The following P3H2 variants were observed in gnomAD, a reference collection of about 807,000 sequenced individuals.
P3H2 encodes the protein prolyl 3-hydroxylase 2.
In P3H2, 80 loss-of-function variants were observed where a neutral mutation model predicts 87.0. That is an observed-to-expected ratio of 0.92 (90% confidence interval 0.77 to 1.11). The LOEUF (loss-of-function observed/expected upper bound fraction) is 1.11. P3H2 is among the 50% of genes least tolerant of loss of function. The pLI, the probability that P3H2 is intolerant of heterozygous loss-of-function variation, is 0.00. For synonymous variants in P3H2, 367 were observed against 359.3 expected, an observed-to-expected ratio of 1.02 and a Z score of -0.24; for missense variants, 1,001 against 923.9, an observed-to-expected ratio of 1.08 and a Z score of -1.08.
rs1252694616 is a variant in P3H2 at position 189,957,521 on chromosome 3, A to G, written c.*391T>C. 1.3e-5 allele frequency: 5 copies of G among 392,104 alleles called. No individual in the cohort carries two copies. The highest frequency in any genetic ancestry group is 2.0e-5 in the African/African-American group (1 of 48,822). 24.3% of individuals were successfully genotyped at this position (392,104 alleles called of 1,614,324 possible). ...AACTGGGCTTTGATAGATACATGAAATGATGAAAAACCAAGAAAGAGAGCT... is the reference window on the plus strand; with the variant it reads ...AACTGGGCTTTGATAGATACATGAAGTGATGAAAAACCAAGAAAGAGAGCT... On this transcript the variant is annotated 3_prime_UTR_variant, in exon 15 of 15. Transcript: ENST00000319332.
In P3H2 at chr3:190,055,487, G is replaced by GA. The variant is rs910209383; in HGVS notation, c.481-60046dup. ...AATCTTTAGATATTAAACAAAATGT[G>GA]AAAAAAAAAATTGGGAATGAAACTC... On this transcript the variant is annotated intron_variant, in intron 1 of 14. Transcript: ENST00000319332. Among the ~76,000 whole-genome samples, 47 of 142,946 alleles carry GA rather than the reference G, an allele frequency of 3.3e-4. 1 individual carries two copies. The highest frequency in any genetic ancestry group is 9.2e-4 in the African/African-American group (36 of 39,168). 93.8% of individuals were successfully genotyped at this position (142,946 alleles called of 152,430 possible).
At chr3:189,983,204 A>C (rs1560347781) in intron 7 of P3H2, 64 bp from the exon 8 acceptor site, 7 of 1,205,894 alleles carry the variant, frequency 5.8e-6, no homozygotes, top group Non-Finnish European at 6.2e-6. Context: ...AAGGCAAAGA[A>C]TACTTTACCA....
At chr3:189,964,176 A>G (rs1168573659) in intron 13 of P3H2, 78 bp from the exon 14 acceptor site, 2 of 1,346,066 alleles carry the variant, frequency 1.5e-6, no homozygotes, top group Non-Finnish European at 2.1e-6. Context: ...TCTGGCTATG[A>G]GATTATTTGA....
chr3:190,118,662 T>C (rs1447969408), intron 1 of P3H2, among the ~76,000 whole-genome samples: 2 of 152,024 alleles, frequency 1.3e-5, no homozygotes, highest in Non-Finnish European at 2.9e-5. Context: ...TTAAGATTTA[T>C]ACTTAGTTGA....
chr3:190,103,122 T>G (rs1468215225), intron 1 of P3H2, among the ~76,000 whole-genome samples: 1 of 152,218 alleles, frequency 6.6e-6, no homozygotes, highest in Non-Finnish European at 1.5e-5. Context: ...AAAATAAAAA[T>G]TGTGAGGCTT....
intron 1 of P3H2, among the ~76,000 whole-genome samples, chr3:190,080,387 C>T (rs995114412): frequency 6.6e-6 from 1 of 151,852 alleles, no homozygotes; most frequent in Admixed American, 6.6e-5. Context: ...AATTTGAGTG[C>T]TTTTTTCTTT....
At chr3:189,997,850 T>C (rs2108926300) in intron 1 of P3H2, among the ~76,000 whole-genome samples, 1 of 152,330 alleles carries the variant, frequency 6.6e-6, no homozygotes, top group African/African-American at 2.4e-5. Flanking sequence ...ATTGTATGCA[T>C]CTACATAGTA....
At chr3:190,038,579 T>C (rs1458644915) in intron 1 of P3H2, among the ~76,000 whole-genome samples, 1 of 151,432 alleles carries the variant, frequency 6.6e-6, no homozygotes, top group Non-Finnish European at 1.5e-5. Flanking sequence ...GTTCCCTTTC[T>C]GCCTAAAGCT....
chr3:190,041,585 A>G (rs114376418), intron 1 of P3H2, among the ~76,000 whole-genome samples: 2 of 152,122 alleles, frequency 1.3e-5, no homozygotes, highest in Admixed American at 6.6e-5. Flanking sequence ...AATAATAGCT[A>G]CTTTGCAACC....
Position 190,120,353 on chromosome 3 carries a change from G to T in P3H2, c.379C>A (p.Arg127Ser). The T allele has an allele frequency of 6.3e-7, 1 of 1,576,578 alleles. No homozygotes were observed. Reference sequence around the variant, plus strand: ...TGGCGGGATGCGGGGCCCCCGAGGCGCTGGGTCTCACAGCTGCGATAACAG... The same window carrying T: ...TGGCGGGATGCGGGGCCCCCGAGGCTCTGGGTCTCACAGCTGCGATAACAG... ...ARCYRSCETQ[R>S]LGGPASRHRV... The change falls in exon 1 of 15, where the codon CGC (arginine) becomes AGC (serine). Residue 127 changes from arginine to serine, a missense_variant. Transcript: ENST00000319332.
chr3:190,050,737 T>A (rs559451370), intron 1 of P3H2, among the ~76,000 whole-genome samples: 1 of 152,184 alleles, frequency 6.6e-6, no homozygotes, highest in African/African-American at 2.4e-5. Flanking sequence ...ATAAAATTGG[T>A]CATCTTTTCT....
chr3:189,996,967 T>C (rs1414090961), intron 1 of P3H2, among the ~76,000 whole-genome samples: 1 of 152,226 alleles, frequency 6.6e-6, no homozygotes, highest in African/African-American at 2.4e-5. Flanking sequence ...ATGATCTCCA[T>C]GTAACAAGCA....
intron 1 of P3H2, among the ~76,000 whole-genome samples, chr3:190,099,355 A>C (rs1711537995): frequency 6.6e-6 from 1 of 152,250 alleles, no homozygotes; most frequent in Non-Finnish European, 1.5e-5. Context: ...TAGATACAAC[A>C]GATATTGCTT....
intron 1 of P3H2, among the ~76,000 whole-genome samples, chr3:190,103,941 G>A (rs565327690): frequency 8.6e-5 from 13 of 151,972 alleles, no homozygotes; most frequent in South Asian, 8.3e-4. Context: ...ACAGGTGCCC[G>A]CCACCACATC....
At chr3:190,095,872 G>C (rs1000792188) in intron 1 of P3H2, among the ~76,000 whole-genome samples, 2 of 152,190 alleles carry the variant, frequency 1.3e-5, no homozygotes, top group South Asian at 2.1e-4. Context: ...AAAGTGCTGG[G>C]ATTACAGGCT....
intron 1 of P3H2, among the ~76,000 whole-genome samples, chr3:190,043,401 C>T (rs78548750): frequency 0.03 from 4,594 of 152,100 alleles, 234 homozygotes; most frequent in African/African-American, 0.11. Flanking sequence ...AGAGTGCTGA[C>T]TTCCTATGGG....
intron 3 of P3H2, 45 bp downstream of exon 3, chr3:189,994,049 T>C (rs540577901): frequency 6.8e-7 from 1 of 1,460,744 alleles, no homozygotes; most frequent in East Asian, 2.3e-5. Flanking sequence ...GCAAGTAGTA[T>C]TTTTATAATC....
intron 1 of P3H2, among the ~76,000 whole-genome samples, chr3:190,099,724 A>G (rs1473034302): frequency 6.6e-6 from 1 of 152,232 alleles, no homozygotes; most frequent in Admixed American, 6.5e-5. Flanking sequence ...TGGTATTAAC[A>G]ATATATATCT....
intron 1 of P3H2, among the ~76,000 whole-genome samples, chr3:190,098,606 C>T (rs1169307273): frequency 6.6e-6 from 1 of 152,126 alleles, no homozygotes; most frequent in African/African-American, 2.4e-5. Flanking sequence ...TCACTTACCC[C>T]TCCTTTCTGG....
Sources: gnomAD v4.1 joint callset for allele counts (sites outside exome capture counted in the v4.1 genomes callset) on GRCh38, gnomAD v4.1.1 for gene constraint, MANE v1.5 for transcripts, NCBI Gene and HGNC (gene_info 2026-07-23, HGNC 2026-07-21) for gene names.